The following TMPRSS11A variants were observed in gnomAD, a reference collection of about 807,000 sequenced individuals.
The protein encoded by TMPRSS11A is transmembrane serine protease 11A.
TMPRSS11A carries 53 observed loss-of-function variants against 58.9 expected under a neutral mutation model. The observed-to-expected ratio is 0.90, with a 90% CI of 0.72 to 1.13. The LOEUF (loss-of-function observed/expected upper bound fraction) is 1.13, where lower values mean the gene tolerates loss of function less well. TMPRSS11A is among the 50% of genes most tolerant of loss of function. The pLI is 0.00. For missense variants in TMPRSS11A, 493 were observed against 499.3 expected (o/e 0.99, Z 0.12); for synonymous variants, 167 against 169.8 (o/e 0.98, Z 0.13).
chr4:67,927,785 G>A (rs551224434), intron 5 of TMPRSS11A, among the ~76,000 whole-genome samples: 46 of 152,336 alleles, frequency 3.0e-4, no homozygotes, highest in African/African-American at 1.1e-3. Context: ...TCTGCTACTA[G>A]TCAATCACTC....
chr4:67,934,644 T>G (rs914552811), intron 3 of TMPRSS11A, among the ~76,000 whole-genome samples: 2 of 152,118 alleles, frequency 1.3e-5, no homozygotes, highest in African/African-American at 4.8e-5. Context: ...TGCTTGATAA[T>G]TTTGACATGC....
chr4:67,955,404 A>G (rs1054525409), intron 1 of TMPRSS11A, among the ~76,000 whole-genome samples: 3 of 152,198 alleles, frequency 2.0e-5, no homozygotes, highest in Non-Finnish European at 2.9e-5. Context: ...TTTTGGCACT[A>G]GGTACAGTAT....
At chr4:67,956,034 G>A (rs1347576684) in intron 1 of TMPRSS11A, among the ~76,000 whole-genome samples, 3 of 152,052 alleles carry the variant, frequency 2.0e-5, no homozygotes. Flanking sequence ...ACTCTAACAT[G>A]TATCTTGAGA....
intron 1 of TMPRSS11A, among the ~76,000 whole-genome samples, chr4:67,953,059 T>C (rs1035409279): frequency 1.3e-5 from 2 of 152,158 alleles, no homozygotes; most frequent in African/African-American, 4.8e-5. Flanking sequence ...ATAAGGAGCA[T>C]GTAACCTGGG....
intron 9 of TMPRSS11A, among the ~76,000 whole-genome samples, chr4:67,913,545 C>T (rs918868328): frequency 1.3e-5 from 2 of 152,214 alleles, no homozygotes; most frequent in African/African-American, 4.8e-5. Context: ...CCACCAATCC[C>T]TCCTAAGGCT....
intron 1 of TMPRSS11A, among the ~76,000 whole-genome samples, chr4:67,957,908 T>C (rs1721326039): frequency 6.6e-6 from 1 of 152,140 alleles, no homozygotes; most frequent in Non-Finnish European, 1.5e-5. Flanking sequence ...TGTGTCCCAG[T>C]TGCTCCAGCT....
intron 2 of TMPRSS11A, among the ~76,000 whole-genome samples, chr4:67,946,244 G>A (rs1250553383): frequency 6.6e-6 from 1 of 152,080 alleles, no homozygotes; most frequent in Non-Finnish European, 1.5e-5. Context: ...GCTTAAAGCT[G>A]TATCTTGAAT....
chr4:67,919,818 G>C (rs945937175), intron 7 of TMPRSS11A, among the ~76,000 whole-genome samples: 1 of 152,158 alleles, frequency 6.6e-6, no homozygotes, highest in Non-Finnish European at 1.5e-5. Context: ...CAAGGTCTTG[G>C]GTTGGATGGG....
chr4:67,948,701 T>A (rs1721087186), intron 1 of TMPRSS11A, among the ~76,000 whole-genome samples: 3 of 152,124 alleles, frequency 2.0e-5, no homozygotes, highest in South Asian at 4.1e-4. Context: ...CTAACATGCT[T>A]GAATAGAACA....
At chr4:67,915,333 C>CT (rs1303903726) in intron 8 of TMPRSS11A, among the ~76,000 whole-genome samples, 1 of 152,026 alleles carries the variant, frequency 6.6e-6, no homozygotes, top group Non-Finnish European at 1.5e-5. Context: ...ACGTAGAAAA[C>CT]TAAGAATAGC....
At chr4:67,922,076 C>T (rs894838782) in intron 7 of TMPRSS11A, among the ~76,000 whole-genome samples, 4 of 152,184 alleles carry the variant, frequency 2.6e-5, no homozygotes, top group Non-Finnish European at 4.4e-5. Context: ...CTATTCTTCA[C>T]TTCAGCTTTG....
At chr4:67,936,213 T>C (rs1720748035) in intron 3 of TMPRSS11A, among the ~76,000 whole-genome samples, 1 of 152,164 alleles carries the variant, frequency 6.6e-6, no homozygotes, top group African/African-American at 2.4e-5. Flanking sequence ...GATCAGAAAC[T>C]GTTGCACCCC....
chr4:67,940,487 G>A (rs551265671), intron 3 of TMPRSS11A, among the ~76,000 whole-genome samples: 9 of 152,148 alleles, frequency 5.9e-5, no homozygotes, highest in Non-Finnish European at 1.0e-4. Flanking sequence ...GTTTTTCCAG[G>A]AATTTACCCA....
At chr4:67,925,727 T>G (rs940509077) in intron 5 of TMPRSS11A, among the ~76,000 whole-genome samples, 1 of 152,226 alleles carries the variant, frequency 6.6e-6, no homozygotes, top group Admixed American at 6.5e-5. Flanking sequence ...ACTATATATT[T>G]TGTCCTTTGT....
chr4:67,959,056 G>A (rs533757609), intron 1 of TMPRSS11A, among the ~76,000 whole-genome samples: 16 of 152,206 alleles, frequency 1.1e-4, no homozygotes, highest in South Asian at 2.1e-4. Context: ...TGTAAATTGC[G>A]CAGTCTCAGG....
intron 3 of TMPRSS11A, among the ~76,000 whole-genome samples, chr4:67,938,792 TTC>T (rs1720811580): frequency 6.6e-6 from 1 of 152,172 alleles, no homozygotes; most frequent in African/African-American, 2.4e-5. Flanking sequence ...ACCAATGCCA[TTC>T]TGTTTTGATT....
At position 67,944,083 on chromosome 4, in the gene TMPRSS11A, A is replaced by G. The variant is rs563826361; in HGVS notation, c.252+436T>C. Among the ~76,000 whole-genome samples, 22 of 152,276 alleles carry G rather than the reference A, an allele frequency of 1.4e-4. No homozygotes were observed. The East Asian group carries it at 3.1e-3, about 21-fold the overall frequency. ...TCTGGTTTTTTGTCTTTATCAATATACTTACAAGATGAACGTAAATTCTGA... is the reference window on the plus strand; with the variant it reads ...TCTGGTTTTTTGTCTTTATCAATATGCTTACAAGATGAACGTAAATTCTGA... On this transcript the variant is annotated intron_variant, in intron 3 of 9. Coordinates refer to ENST00000508048, the MANE Select transcript of TMPRSS11A (RefSeq NM_001114387.2).
chr4:67,917,872 G>T (rs1720201784), intron 8 of TMPRSS11A, among the ~76,000 whole-genome samples: 1 of 152,262 alleles, frequency 6.6e-6, no homozygotes, highest in Non-Finnish European at 1.5e-5. Flanking sequence ...GAGGTGTCAG[G>T]CTTACAGCAG....
At position 67,946,568 on chromosome 4, in the gene TMPRSS11A, T is replaced by C; in HGVS notation, c.15A>G (p.Thr5=). MMYR[T]VGFGTRSRNL... ...TTCTGCTTCGGGTGCCAAATCCCACTGTCCTGAGAAAAGGAAGGGCCCACT... is the reference window on the plus strand; with the variant it reads ...TTCTGCTTCGGGTGCCAAATCCCACCGTCCTGAGAAAAGGAAGGGCCCACT... The change falls in exon 2 of 10, where the codon ACA becomes ACG. Residue 5 remains threonine, a synonymous_variant. Transcript: ENST00000508048. 2 of 1,608,896 alleles carry C rather than the reference T, an allele frequency of 1.2e-6. No individual in the cohort carries two copies. The highest frequency in any genetic ancestry group is 8.5e-7 in the Non-Finnish European group (1 of 1,177,812).
Sources: allele counts gnomAD v4.1 joint callset (sites outside exome capture counted in the v4.1 genomes callset), GRCh38; gene constraint gnomAD v4.1.1; transcripts MANE v1.5; gene names NCBI Gene and HGNC (gene_info 2026-07-23, HGNC 2026-07-21).